Variants in ACSL1 observed in about 807,000 individuals in gnomAD.
ACSL1 encodes long-chain-fatty-acid--CoA ligase 1.
A neutral mutation model predicts 98.4 loss-of-function variants in ACSL1; 41 were observed. That is an observed-to-expected ratio of 0.42 (90% CI 0.32 to 0.54). The LOEUF is 0.54. Ranked by LOEUF, ACSL1 falls within the 20% of genes least tolerant of loss-of-function variation. The probability of loss-of-function intolerance (pLI) is 0.13; values close to 1 mark genes in which losing one functional copy is unlikely to be tolerated. For missense variants in ACSL1, 734 were observed against 883.1 expected, an observed-to-expected ratio of 0.83 and a Z score of 2.14; for synonymous variants, 316 against 322.7, an observed-to-expected ratio of 0.98 and a Z score of 0.22.
At chr4:184,789,850 T>C (rs1768038342) in intron 2 of ACSL1, among the ~76,000 whole-genome samples, 1 of 150,080 alleles carries the variant, frequency 6.7e-6, no homozygotes, top group African/African-American at 2.5e-5. Context: ...GACTGATAAA[T>C]AAAAGCTCAG....
intron 1 of ACSL1, among the ~76,000 whole-genome samples, chr4:184,814,549 T>C (rs1561247725): frequency 1.3e-5 from 2 of 152,136 alleles, no homozygotes; most frequent in Non-Finnish European, 2.9e-5. Flanking sequence ...TTTACTACTA[T>C]GTTGTTGTTC....
intron 2 of ACSL1, among the ~76,000 whole-genome samples, chr4:184,801,035 T>C (rs548626657): frequency 6.6e-6 from 1 of 152,186 alleles, no homozygotes; most frequent in African/African-American, 2.4e-5. Context: ...ATAAAAAAAT[T>C]TATAGAGATG....
In ACSL1 at chr4:184,762,543, C is replaced by G. The variant is rs775885701; in HGVS notation, c.1522-20G>C. On this transcript the variant is annotated intron_variant, in intron 16 of 20. Coordinates refer to ENST00000281455, the MANE Select transcript of ACSL1 (RefSeq NM_001995.5). ...ACACACCTAAAGAAAAGAAGATCAT[C>G]AGTGAACAGCATTTACTGGGGTTTT... 6.2e-7 allele frequency: 1 copy of G among 1,601,368 alleles called. No individual in the cohort carries two copies. The highest frequency in any genetic ancestry group is 8.6e-7 in the Non-Finnish European group (1 of 1,168,308).
chr4:184,769,095 A>ATATATATG (rs1332804813), intron 11 of ACSL1, among the ~76,000 whole-genome samples: 1 of 143,636 alleles, frequency 7.0e-6, no homozygotes, highest in African/African-American at 2.6e-5. Context: ...ATATATATAT[A>ATATATATG]GCCTTCCAGA....
intron 4 of ACSL1, 89 bp downstream of exon 4, chr4:184,783,838 T>C: frequency 7.9e-7 from 1 of 1,260,404 alleles, no homozygotes; most frequent in Non-Finnish European, 1.2e-6. Flanking sequence ...ACATACACTC[T>C]GGAGAAACCT....
intron 1 of ACSL1, among the ~76,000 whole-genome samples, chr4:184,818,173 T>TAAC (rs2150496700): frequency 6.6e-6 from 1 of 152,286 alleles, no homozygotes; most frequent in Non-Finnish European, 1.5e-5. Context: ...AGGCGCAATG[T>TAAC]AGGTAACTGT....
At chr4:184,811,300 G>T (rs1251218057) in intron 1 of ACSL1, among the ~76,000 whole-genome samples, 2 of 151,922 alleles carry the variant, frequency 1.3e-5, no homozygotes, top group South Asian at 2.1e-4. Context: ...TTTTAGTAGA[G>T]ACGGGGTTTC....
At chr4:184,762,363 C>T (rs369744513) in intron 17 of ACSL1, 44 bp downstream of exon 17, 2 of 1,503,592 alleles carry the variant, frequency 1.3e-6, no homozygotes, top group African/African-American at 2.8e-5. Context: ...TTCTTCCCCA[C>T]AGTGGAACTG....
intron 1 of ACSL1, among the ~76,000 whole-genome samples, chr4:184,807,102 T>G (rs763983994): frequency 3.3e-5 from 5 of 152,222 alleles, no homozygotes; most frequent in Non-Finnish European, 7.3e-5. Context: ...AGAAATAGTC[T>G]TTCAACGCTG....
At position 184,805,372 on chromosome 4, in the gene ACSL1, T is replaced by C. The variant is rs116196839; in HGVS notation, c.-32-1826A>G. 258 of 629,198 alleles carry C rather than the reference T, an allele frequency of 4.1e-4. 2 individuals carry two copies. The African/African-American group carries it at 4.7e-3, about 12-fold the overall frequency. 39.0% of individuals were successfully genotyped at this position (629,198 alleles called of 1,614,324 possible). ...TCTGCTCATTCAATCTCTGCTACAA[T>C]GAATCCATGTAAGTGTACTCACTCA... On this transcript the variant is annotated intron_variant, in intron 1 of 20. Coordinates refer to ENST00000281455, the MANE Select transcript of ACSL1 (RefSeq NM_001995.5).
chr4:184,760,842 G>A (rs974103124), intron 17 of ACSL1, among the ~76,000 whole-genome samples: 1 of 152,172 alleles, frequency 6.6e-6, no homozygotes, highest in Non-Finnish European at 1.5e-5. Flanking sequence ...TACACATCTG[G>A]CTCACCAAGT....
At chr4:184,767,362 G>A (rs1262525960) in intron 12 of ACSL1, among the ~76,000 whole-genome samples, 1 of 152,002 alleles carries the variant, frequency 6.6e-6, no homozygotes, top group African/African-American at 2.4e-5. Flanking sequence ...CCGTTAAAAG[G>A]AATGAAGTGC....
chr4:184,760,432 G>C lies in ACSL1; in HGVS notation c.1707C>G (p.Ala569=). The C allele has an allele frequency of 1.2e-6, 2 of 1,614,072 alleles. No individual in the cohort carries two copies. The highest frequency in any genetic ancestry group is 1.7e-6 in the Non-Finnish European group (2 of 1,180,000). The change falls in exon 18 of 21, where the codon GCC becomes GCG. Residue 569 remains alanine (A), a synonymous_variant. Transcript: ENST00000281455. The stretch of plus-strand genomic sequence containing the variant: ...TGTAGATATTTTCAATCTTTTCAGG[G>C]GCTATGTATTCTCCTTGTGCCAGCT... ...IFKLAQGEYI[A]PEKIENIYMR...
Position 184,783,975 on chromosome 4 carries a change from T to C in ACSL1, c.327A>G (p.Leu109=). The C allele has an allele frequency of 6.2e-7, 1 of 1,613,692 alleles. No individual in the cohort carries two copies. Among genetic ancestry groups the C allele is most frequent in the South Asian group, 1.1e-5 (1 of 91,058 alleles). The change falls in exon 4 of 21, where the codon TTA becomes TTG. Residue 109 remains leucine (L), a synonymous_variant. Coordinates refer to ENST00000281455, the MANE Select transcript of ACSL1 (RefSeq NM_001995.5). ...GIQVSNNGPC[L]GSRKPDQPYE... is the part of the protein sequence containing the mutation. ...AGGGTTGGTCTGGTTTCCGAGAGCC[T>C]AAACAAGGGCCATTATCTAAAAAAA...
intron 1 of ACSL1, among the ~76,000 whole-genome samples, chr4:184,808,838 C>G (rs1363499992): frequency 6.6e-6 from 1 of 152,184 alleles, no homozygotes; most frequent in African/African-American, 2.4e-5. Context: ...TGCCAGTCTC[C>G]CAGCTGGAGA....
chr4:184,790,093 G>A (rs1316929997), intron 2 of ACSL1, among the ~76,000 whole-genome samples: 1 of 152,130 alleles, frequency 6.6e-6, no homozygotes, highest in Non-Finnish European at 1.5e-5. Context: ...TCAGAGTAGG[G>A]CGGCAGGCTG....
chr4:184,789,685 A>G (rs556884639), intron 2 of ACSL1, among the ~76,000 whole-genome samples: 1 of 152,316 alleles, frequency 6.6e-6, no homozygotes, highest in East Asian at 1.9e-4. Context: ...AAGAACTCCT[A>G]ATGATGGATA....
chr4:184,778,219 C>A (rs1765618761), intron 5 of ACSL1, among the ~76,000 whole-genome samples: 1 of 152,174 alleles, frequency 6.6e-6, no homozygotes, highest in Non-Finnish European at 1.5e-5. Context: ...TCCGGCTGCA[C>A]CTTTCTAATG....
At chr4:184,786,446 ACACACACACACACT>A (rs1269507203) in intron 3 of ACSL1, among the ~76,000 whole-genome samples, 21 of 148,498 alleles carry the variant, frequency 1.4e-4, no homozygotes, top group South Asian at 4.3e-4. Flanking sequence ...ACACACACAC[ACACACACACACACT>A]GTTTCATGTG....
Sources: allele counts gnomAD v4.1 joint callset (sites outside exome capture counted in the v4.1 genomes callset), GRCh38; gene constraint gnomAD v4.1.1; transcripts MANE v1.5; gene names NCBI Gene and HGNC (gene_info 2026-07-23, HGNC 2026-07-21).